UST: variants seen among roughly 807,000 people sequenced by gnomAD.
UST encodes chondroitin sulfate 2-O-sulfotransferase.
UST carries 21 observed loss-of-function variants against 45.6 expected under a neutral mutation model. The observed-to-expected ratio is 0.46, with a 90% CI of 0.33 to 0.66. The LOEUF (loss-of-function observed/expected upper bound fraction) is 0.66. UST is among the 30% of genes least tolerant of loss of function. The probability of loss-of-function intolerance (pLI) is 0.02; values close to 1 mark genes in which losing one functional copy is unlikely to be tolerated. For synonymous variants in UST, 215 were observed against 200.6 expected, an observed-to-expected ratio of 1.07 and a Z score of -0.61; for missense variants, 463 against 512.4, an observed-to-expected ratio of 0.90 and a Z score of 0.93.
At chr6:148,894,969 C>T (rs1423187155) in intron 2 of UST, among the ~76,000 whole-genome samples, 1 of 151,950 alleles carries the variant, frequency 6.6e-6, no homozygotes, top group East Asian at 1.9e-4. Flanking sequence ...AGGTGTGCAC[C>T]ATCATGCCTG....
chr6:149,021,162 T>A lies in UST; in HGVS notation c.780-162T>A, dbSNP rs75082439. Among the ~76,000 whole-genome samples, 16 of 152,284 alleles carry A rather than the reference T, an allele frequency of 1.1e-4. No individual in the cohort carries two copies. The East Asian group carries it at 3.1e-3, about 29-fold the overall frequency. On this transcript the variant is annotated intron_variant, in intron 6 of 7. Coordinates refer to ENST00000367463, the MANE Select transcript of UST (RefSeq NM_005715.3). The stretch of plus-strand genomic sequence containing the variant: ...AGGGCAGGACACCAGTTGGAAGGAC[T>A]GGGAAGGCCCTGGATGGGGCTACAT...
At chr6:148,796,797 C>CTTTTTTTTTTTT (rs1195878764) in intron 1 of UST, among the ~76,000 whole-genome samples, 3 of 72,054 alleles carry the variant, frequency 4.2e-5, no homozygotes, top group African/African-American at 5.6e-5. Context: ...TCTGATAATT[C>CTTTTTTTTTTTT]TTTTTTTTTT....
intron 1 of UST, among the ~76,000 whole-genome samples, chr6:148,775,239 T>C (rs1319173646): frequency 6.6e-6 from 1 of 152,166 alleles, no homozygotes; most frequent in Non-Finnish European, 1.5e-5. Context: ...GCTTGAATAT[T>C]ATGTGAATTT....
intron 7 of UST, among the ~76,000 whole-genome samples, chr6:149,067,165 A>C: frequency 6.6e-6 from 1 of 152,204 alleles, no homozygotes; most frequent in Non-Finnish European, 1.5e-5. Context: ...AACAGGCAAT[A>C]GTTTGGGACA....
At chr6:148,970,943 C>T (rs1780902742) in intron 5 of UST, among the ~76,000 whole-genome samples, 1 of 152,230 alleles carries the variant, frequency 6.6e-6, no homozygotes, top group Non-Finnish European at 1.5e-5. Flanking sequence ...TAACCGTACT[C>T]ACATTTGCAG....
At chr6:148,775,645 G>GGT (rs1776519361) in intron 1 of UST, among the ~76,000 whole-genome samples, 3 of 144,818 alleles carry the variant, frequency 2.1e-5, no homozygotes, top group African/African-American at 5.1e-5. Context: ...TTTTTGGGGC[G>GGT]GGGAGAGAGT....
chr6:148,956,334 A>G (rs1285643364), intron 4 of UST, among the ~76,000 whole-genome samples: 2 of 152,086 alleles, frequency 1.3e-5, no homozygotes, highest in Non-Finnish European at 2.9e-5. Flanking sequence ...GGGAGGCCTC[A>G]GAATCATGGC....
At chr6:149,003,456 A>AG (rs1359923586) in intron 5 of UST, among the ~76,000 whole-genome samples, 1 of 151,688 alleles carries the variant, frequency 6.6e-6, no homozygotes, top group Non-Finnish European at 1.5e-5. Flanking sequence ...AAAAAAAAAA[A>AG]CATTAAGGCA....
At chr6:148,833,540 C>T (rs1308303604) in intron 1 of UST, among the ~76,000 whole-genome samples, 2 of 152,234 alleles carry the variant, frequency 1.3e-5, no homozygotes, top group East Asian at 1.9e-4. Context: ...AGAAAGAAAA[C>T]TTAGCCTTGG....
chr6:149,056,117 CTTTTTT>C (rs34191810), intron 7 of UST, among the ~76,000 whole-genome samples: 3 of 81,064 alleles, frequency 3.7e-5, no homozygotes, highest in South Asian at 4.6e-4. Context: ...CTTTTCTTTT[CTTTTTT>C]TTTTTTTTTT....
chr6:148,941,576 T>G, intron 3 of UST, 142 bp downstream of exon 3: 1 of 1,000,186 alleles, frequency 1.0e-6, no homozygotes, highest in Admixed American at 3.1e-5. Context: ...TGCCAGAGTG[T>G]GGAAGGAAAT....
intron 1 of UST, among the ~76,000 whole-genome samples, chr6:148,780,886 G>A (rs1278254849): frequency 6.6e-6 from 1 of 151,928 alleles, no homozygotes; most frequent in Admixed American, 6.6e-5. Context: ...TAATTGTTTG[G>A]GGGAGCCACA....
At chr6:148,919,444 G>A (rs75670240) in intron 2 of UST, among the ~76,000 whole-genome samples, 1 of 147,450 alleles carries the variant, frequency 6.8e-6, no homozygotes, top group African/African-American at 2.5e-5. Flanking sequence ...GTGTGTGTGT[G>A]TACACTTCTG....
At chr6:148,889,674 C>T (rs188435939) in intron 2 of UST, among the ~76,000 whole-genome samples, 4 of 152,288 alleles carry the variant, frequency 2.6e-5, no homozygotes, top group African/African-American at 9.6e-5. Flanking sequence ...AAGACCCAGA[C>T]CCTTTTTTTA....
chr6:148,835,239 C>G (rs911964620), intron 1 of UST, among the ~76,000 whole-genome samples: 1 of 151,990 alleles, frequency 6.6e-6, no homozygotes, highest in Non-Finnish European at 1.5e-5. Flanking sequence ...TATAAGTAAT[C>G]TAGAGATTAT....
intron 2 of UST, among the ~76,000 whole-genome samples, chr6:148,903,048 T>C (rs1420411706): frequency 6.6e-6 from 1 of 152,156 alleles, no homozygotes; most frequent in Non-Finnish European, 1.5e-5. Flanking sequence ...TGTTTTAAAT[T>C]TATTGTTGTA....
At chr6:149,002,504 G>GTATT (rs1270485922) in intron 5 of UST, among the ~76,000 whole-genome samples, 1 of 151,970 alleles carries the variant, frequency 6.6e-6, no homozygotes, top group Admixed American at 6.6e-5. Context: ...TACTTTTTAT[G>GTATT]TATTTATTTA....
chr6:148,944,269 G>A (rs1183745969), intron 3 of UST, among the ~76,000 whole-genome samples: 2 of 152,166 alleles, frequency 1.3e-5, no homozygotes, highest in African/African-American at 4.8e-5. Context: ...CACTTCAGGT[G>A]CAGTATGACT....
At position 149,046,528 on chromosome 6, in the gene UST, T is replaced by G. The variant is rs1355698546; in HGVS notation, c.937+25047T>G. 2.6e-5 allele frequency among the ~76,000 whole-genome samples: 4 copies of G among 152,230 alleles called. No homozygotes were observed. In the East Asian group the frequency reaches 7.7e-4, roughly 29 times the overall value. ...CATAGGTCAATCATGGTCTTTGCAG[T>G]CAGTAGACATGGGTTTGAATCCCAG... On this transcript the variant is annotated intron_variant, in intron 7 of 7. Coordinates refer to ENST00000367463, the MANE Select transcript of UST (RefSeq NM_005715.3).
Sources: allele counts gnomAD v4.1 joint callset (sites outside exome capture counted in the v4.1 genomes callset), GRCh38; gene constraint gnomAD v4.1.1; transcripts MANE v1.5; gene names NCBI Gene and HGNC (gene_info 2026-07-23, HGNC 2026-07-21).